The following IL1RAPL1 variants were observed in gnomAD, a reference collection of about 807,000 sequenced individuals.
IL1RAPL1 encodes the protein interleukin-1 receptor accessory protein-like 1.
In IL1RAPL1, 3 loss-of-function variants were observed where a neutral mutation model predicts 48.4. The observed-to-expected ratio is 0.06, with a 90% confidence interval of 0.03 to 0.16. The LOEUF (loss-of-function observed/expected upper bound fraction) is 0.16, where lower values mean the gene tolerates loss of function less well. Among genes scored for constraint, IL1RAPL1 ranks in the 10% least tolerant of loss-of-function variants. The probability of loss-of-function intolerance (pLI) is 1.00; values close to 1 mark genes in which losing one functional copy is unlikely to be tolerated. For missense variants in IL1RAPL1, 349 were observed against 530.6 expected, an observed-to-expected ratio of 0.66 and a Z score of 3.36; for synonymous variants, 185 against 187.7, an observed-to-expected ratio of 0.99 and a Z score of 0.12.
At chrX:29,306,649 T>C (rs1238735683) in intron 3 of IL1RAPL1, among the ~76,000 whole-genome samples, 3 of 104,118 alleles carry the variant, frequency 2.9e-5, no homozygotes, top group Non-Finnish European at 5.8e-5. Context: ...GATCACAAGG[T>C]CAGGCGTTCA....
intron 5 of IL1RAPL1, among the ~76,000 whole-genome samples, chrX:29,458,242 T>C (rs996609804): frequency 8.9e-6 from 1 of 112,741 alleles, no homozygotes. Flanking sequence ...ACTCTGCTGA[T>C]AGTTTCTTCT....
intron 2 of IL1RAPL1, among the ~76,000 whole-genome samples, chrX:29,216,935 G>A (rs1282060213): frequency 8.9e-6 from 1 of 111,789 alleles, no homozygotes; most frequent in African/African-American, 3.2e-5. Flanking sequence ...TGCTGCAGCT[G>A]GGGAATACAG....
rs1934789487 is a variant in IL1RAPL1 at position 28,659,427 on chromosome X, T to C, written c.-25+71380T>C. The stretch of plus-strand genomic sequence containing the variant: ...GTAGCCAGTTGCTTCCCGGGTGTTT[T>C]ACCACCAGTCGATTTGCGGGAAGTC... On this transcript the variant is annotated intron_variant, in intron 1 of 10. Transcript: ENST00000378993. 1.1e-5 allele frequency: 6 copies of C among 529,157 alleles called. No homozygotes were observed. In the South Asian group the frequency reaches 1.2e-4, roughly 11 times the overall value. 43.6% of individuals were successfully genotyped at this position (529,157 alleles called of 1,213,427 possible).
chrX:28,670,678 A>C (rs1045882738), intron 1 of IL1RAPL1, among the ~76,000 whole-genome samples: 2 of 112,271 alleles, frequency 1.8e-5, no homozygotes, highest in Non-Finnish European at 3.8e-5. Context: ...TGTGTATAAT[A>C]ACAACTTCCT....
At chrX:29,165,089 C>T (rs1232946150) in intron 2 of IL1RAPL1, among the ~76,000 whole-genome samples, 3 of 111,972 alleles carry the variant, frequency 2.7e-5, no homozygotes, top group Admixed American at 1.9e-4. Flanking sequence ...GGGGCCGAGG[C>T]GGGTGGATCA....
chrX:29,678,520 A>C (rs1371410421), intron 6 of IL1RAPL1, among the ~76,000 whole-genome samples: 2 of 90,825 alleles, frequency 2.2e-5, no homozygotes, highest in African/African-American at 5.7e-5. Context: ...ACGCCTGGCT[A>C]ATTTTGTGTG....
At chrX:28,659,890 T>C (rs1238160333) in intron 1 of IL1RAPL1, among the ~76,000 whole-genome samples, 2 of 111,156 alleles carry the variant, frequency 1.8e-5, no homozygotes, top group Non-Finnish European at 3.8e-5. Flanking sequence ...CCCAGGAATC[T>C]GCCTTTAAAA....
intron 9 of IL1RAPL1, among the ~76,000 whole-genome samples, chrX:29,949,287 A>G: frequency 8.9e-6 from 1 of 112,107 alleles, no homozygotes; most frequent in East Asian, 2.8e-4. Context: ...CTTTCCTCTC[A>G]AAAATGTTTT....
intron 2 of IL1RAPL1, among the ~76,000 whole-genome samples, chrX:29,151,631 A>G (rs1003438946): frequency 4.5e-5 from 5 of 112,026 alleles, no homozygotes; most frequent in African/African-American, 1.6e-4. Flanking sequence ...ACTTAGTCCT[A>G]ACAGAGAACC....
At chrX:29,137,258 TCACACA>T (rs113222106) in intron 2 of IL1RAPL1, among the ~76,000 whole-genome samples, 25,205 of 100,120 alleles carry the variant, frequency 0.25, 3,057 homozygotes, top group African/African-American at 0.47. Flanking sequence ...ACACTTGCGC[TCACACA>T]CACACACACA....
intron 5 of IL1RAPL1, among the ~76,000 whole-genome samples, chrX:29,585,056 G>A (rs5927850): frequency 0.29 from 31,842 of 110,872 alleles, 3,314 homozygotes; most frequent in South Asian, 0.45. Context: ...TTATTGTGTT[G>A]AGAACACTTA....
At chrX:29,909,483 A>G (rs1932720441) in intron 6 of IL1RAPL1, among the ~76,000 whole-genome samples, 1 of 111,363 alleles carries the variant, frequency 9.0e-6, no homozygotes, top group East Asian at 2.8e-4. Context: ...GCACATTTCT[A>G]TATACCAACA....
chrX:29,071,505 T>G (rs1331329640), intron 2 of IL1RAPL1, among the ~76,000 whole-genome samples: 3 of 111,927 alleles, frequency 2.7e-5, no homozygotes, highest in Non-Finnish European at 5.6e-5. Context: ...TTTTAAATTT[T>G]GTTATTACTG....
In IL1RAPL1 at chrX:29,441,365, T is replaced by C. The variant is rs905653176; in HGVS notation, c.703+42057T>C. 2.7e-5 allele frequency among the ~76,000 whole-genome samples: 3 copies of C among 112,380 alleles called. No individual in the cohort carries two copies. In the South Asian group the frequency reaches 1.1e-3, roughly 41 times the overall value. The stretch of plus-strand genomic sequence containing the variant: ...GCAGACACTTCCTTGTTGAATATGT[T>C]TGTGCAAACTTCTATCAGATAAATG... On this transcript the variant is annotated intron_variant, in intron 5 of 10. Transcript: ENST00000378993.
At chrX:29,700,200 T>C (rs1927014911) in intron 6 of IL1RAPL1, among the ~76,000 whole-genome samples, 1 of 112,019 alleles carries the variant, frequency 8.9e-6, no homozygotes, top group South Asian at 3.7e-4. Context: ...AAAAGACTGG[T>C]TTGCTTTTCC....
intron 2 of IL1RAPL1, among the ~76,000 whole-genome samples, chrX:29,252,182 G>T (rs916931038): frequency 4.9e-4 from 55 of 112,046 alleles, no homozygotes; most frequent in Non-Finnish European, 8.1e-4. Context: ...GAGTTAGTGG[G>T]TGCAGCACAC....
chrX:29,500,521 T>G (rs1351759332), intron 5 of IL1RAPL1, among the ~76,000 whole-genome samples: 1 of 111,753 alleles, frequency 8.9e-6, no homozygotes, highest in Non-Finnish European at 1.9e-5. Flanking sequence ...TGAGAATATG[T>G]GATATTTATC....
intron 1 of IL1RAPL1, among the ~76,000 whole-genome samples, chrX:28,697,654 C>T (rs950249033): frequency 9.0e-6 from 1 of 110,654 alleles, no homozygotes. Context: ...TTAAAAGTAC[C>T]CCCTCTTTTT....
chrX:29,916,070 G>A (rs1337098737), intron 6 of IL1RAPL1, among the ~76,000 whole-genome samples: 2 of 100,786 alleles, frequency 2.0e-5, no homozygotes, highest in Non-Finnish European at 4.0e-5. Flanking sequence ...CCCTACAAAG[G>A]ACATGAACTC....
Sources: allele counts gnomAD v4.1 joint callset (sites outside exome capture counted in the v4.1 genomes callset), GRCh38; gene constraint gnomAD v4.1.1; transcripts MANE v1.5; gene names NCBI Gene and HGNC (gene_info 2026-07-23, HGNC 2026-07-21).